The following MCC variants were observed in gnomAD, a reference collection of about 807,000 sequenced individuals.
MCC encodes the protein colorectal mutant cancer protein.
Under a neutral mutation model 116.2 loss-of-function variants are expected in MCC, and 90 were observed. That is an observed-to-expected ratio of 0.77 (90% CI 0.65 to 0.92). The LOEUF (loss-of-function observed/expected upper bound fraction) is 0.92, where lower values mean the gene tolerates loss of function less well. Among genes scored for constraint, MCC ranks in the 40% least tolerant of loss-of-function variants. The pLI is 0.00. For missense variants in MCC, 1,516 were observed against 1,312.2 expected (o/e 1.16, Z -2.40); for synonymous variants, 578 against 510.5 (o/e 1.13, Z -1.78).
intron 1 of MCC, among the ~76,000 whole-genome samples, chr5:113,443,991 TTG>T (rs34145955): frequency 2.6e-3 from 368 of 143,850 alleles, no homozygotes; most frequent in Non-Finnish European, 3.8e-3. Flanking sequence ...CTCGGCTAAT[TTG>T]TGTGTGTGTG....
intron 3 of MCC, among the ~76,000 whole-genome samples, chr5:113,165,575 G>A (rs750791808): frequency 2.8e-4 from 43 of 152,110 alleles, no homozygotes; most frequent in Admixed American, 3.3e-4. Context: ...CCCTTCTGCC[G>A]TTACAGGGAC....
intron 3 of MCC, among the ~76,000 whole-genome samples, chr5:113,210,126 G>C (rs181810513): frequency 1.3e-5 from 2 of 152,140 alleles, no homozygotes; most frequent in Non-Finnish European, 2.9e-5. Context: ...TTAGCACAGG[G>C]ATAAAGTAGG....
At chr5:113,138,503 G>A (rs1371924536) in intron 5 of MCC, among the ~76,000 whole-genome samples, 1 of 152,310 alleles carries the variant, frequency 6.6e-6, no homozygotes, top group African/African-American at 2.4e-5. Context: ...AGGACACAGT[G>A]AGAAGGTGGC....
intron 3 of MCC, among the ~76,000 whole-genome samples, chr5:113,312,412 G>C (rs143230082): frequency 1.1e-3 from 160 of 152,356 alleles, no homozygotes; most frequent in African/African-American, 3.7e-3. Flanking sequence ...AGAGATGTCT[G>C]ACCTAAGATC....
rs7709534 is a variant in MCC, at chr5:113,025,422, C to T, written c.*1880G>A. The T allele has an allele frequency of 0.019, 2,833 of 151,776 alleles. 37 individuals are homozygous for T. The highest frequency in any genetic ancestry group is 0.03 in the Non-Finnish European group (2,031 of 67,908). The allele number at this position is 151,776 out of a possible 1,614,324, so 9.4% of individuals were successfully genotyped here. A position where few individuals can be genotyped will look rare whatever the true frequency, so the allele number is the denominator to read the frequency against. On this transcript the variant is annotated 3_prime_UTR_variant, in exon 19 of 19. Coordinates refer to ENST00000408903, the MANE Select transcript of MCC (RefSeq NM_001085377.2). ...GTGGGTGGATCAGTGGTCAGGAGTT[C>T]GAGACCAGCCTGGCCAACATGGTGA...
chr5:113,058,910 T>C (rs528781644), intron 14 of MCC, among the ~76,000 whole-genome samples: 6 of 152,284 alleles, frequency 3.9e-5, no homozygotes, highest in African/African-American at 1.4e-4. Flanking sequence ...GACTCAGAGA[T>C]GCCCTGAGCT....
chr5:113,149,829 T>C lies in MCC; in HGVS notation c.741+1480A>G, dbSNP rs372380681. 2.8e-4 allele frequency among the ~76,000 whole-genome samples: 42 copies of C among 152,176 alleles called. No homozygotes were observed. The South Asian group carries it at 8.7e-3, about 32-fold the overall frequency. On this transcript the variant is annotated intron_variant, in intron 4 of 18. Coordinates refer to ENST00000408903, the MANE Select transcript of MCC (RefSeq NM_001085377.2). The stretch of plus-strand genomic sequence containing the variant: ...GGTAAGAACAAACCAACATCATCCA[T>C]AAGATCTGAGTGGCATCAGCTTGGG...
chr5:113,063,685 T>C (rs996491449), intron 14 of MCC, among the ~76,000 whole-genome samples: 2 of 152,176 alleles, frequency 1.3e-5, no homozygotes, highest in African/African-American at 4.8e-5. Flanking sequence ...AACAGAACAA[T>C]GCAGAGAAAA....
At chr5:113,054,362 G>A (rs1752676292) in intron 14 of MCC, among the ~76,000 whole-genome samples, 3 of 152,164 alleles carry the variant, frequency 2.0e-5, no homozygotes, top group Admixed American at 2.0e-4. Context: ...GACAATGGTG[G>A]TGATATTTTG....
At chr5:113,091,916 C>A (rs1259968658) in intron 8 of MCC, among the ~76,000 whole-genome samples, 2 of 151,696 alleles carry the variant, frequency 1.3e-5, no homozygotes, top group Non-Finnish European at 2.9e-5. Context: ...CACAAACACA[C>A]ACACACACAC....
chr5:113,229,944 T>C (rs1763882072), intron 3 of MCC, among the ~76,000 whole-genome samples: 1 of 152,220 alleles, frequency 6.6e-6, no homozygotes, highest in Non-Finnish European at 1.5e-5. Context: ...TTTCTCAAAA[T>C]GTATCCCAGT....
intron 6 of MCC, among the ~76,000 whole-genome samples, chr5:113,105,355 T>C (rs1207040927): frequency 2.0e-5 from 3 of 152,212 alleles, no homozygotes; most frequent in Admixed American, 6.5e-5. Flanking sequence ...TTTGGAAGAC[T>C]TCAAGAAAAC....
At chr5:113,256,336 G>A (rs1333549906) in intron 3 of MCC, among the ~76,000 whole-genome samples, 1 of 152,194 alleles carries the variant, frequency 6.6e-6, no homozygotes, top group Non-Finnish European at 1.5e-5. Context: ...TACTCTGCCA[G>A]GTGTTGTGGA....
intron 1 of MCC, among the ~76,000 whole-genome samples, chr5:113,484,978 G>A (rs1407554916): frequency 2.0e-5 from 3 of 152,160 alleles, no homozygotes; most frequent in Admixed American, 6.5e-5. Context: ...GGTCCCAGCC[G>A]CAGTTTGGAG....
At chr5:113,040,377 GC>G (rs1751618255) in intron 17 of MCC, among the ~76,000 whole-genome samples, 1 of 152,050 alleles carries the variant, frequency 6.6e-6, no homozygotes, top group South Asian at 2.1e-4. Flanking sequence ...CTTAAGGACA[GC>G]CCATGGCTTA....
intron 3 of MCC, among the ~76,000 whole-genome samples, chr5:113,260,298 T>TCC (rs1765173090): frequency 1.8e-4 from 28 of 152,200 alleles, no homozygotes; most frequent in Admixed American, 1.8e-3. Flanking sequence ...TAGATACTTT[T>TCC]TATGTATTTT....
At chr5:113,410,751 C>T (rs1350957189) in intron 1 of MCC, among the ~76,000 whole-genome samples, 1 of 152,206 alleles carries the variant, frequency 6.6e-6, no homozygotes, top group Non-Finnish European at 1.5e-5. Flanking sequence ...TGCTATCCCT[C>T]CCCCAACGCT....
intron 4 of MCC, among the ~76,000 whole-genome samples, chr5:113,150,337 A>C (rs1435286234): frequency 6.6e-6 from 1 of 152,194 alleles, no homozygotes; most frequent in Admixed American, 6.5e-5. Flanking sequence ...AAAAATACTG[A>C]CGTCAAATCC....
At chr5:113,333,801 G>GTATATATGTATATATGTACATATATGTA (rs1767764307) in intron 3 of MCC, among the ~76,000 whole-genome samples, 1 of 58,054 alleles carries the variant, frequency 1.7e-5, no homozygotes, top group Non-Finnish European at 3.3e-5. Context: ...ATATATATAT[G>GTATATATGTATATATGTACATATATGTA]TATATATGTA....
Sources: allele counts gnomAD v4.1 joint callset (sites outside exome capture counted in the v4.1 genomes callset), GRCh38; gene constraint gnomAD v4.1.1; transcripts MANE v1.5; gene names NCBI Gene and HGNC (gene_info 2026-07-23, HGNC 2026-07-21).